The following ATP8B4 variants were observed in gnomAD, a reference collection of about 807,000 sequenced individuals.
ATP8B4 encodes ATPase phospholipid transporting 8B4 (putative).
ATP8B4 carries 133 observed loss-of-function variants against 145.6 expected under a neutral mutation model. The ratio of observed to expected loss-of-function variants is 0.91; its 90% CI spans 0.79 to 1.05. The LOEUF (loss-of-function observed/expected upper bound fraction) is 1.05, where lower values mean the gene tolerates loss of function less well. Ranked by LOEUF, ATP8B4 falls within the 50% of genes least tolerant of loss-of-function variation. ATP8B4 has a pLI of 0.00. For synonymous variants in ATP8B4, 507 were observed against 492.9 expected, an observed-to-expected ratio of 1.03 and a Z score of -0.38; for missense variants, 1,458 against 1,425.2, an observed-to-expected ratio of 1.02 and a Z score of -0.37.
At chr15:50,075,941 C>T (rs906877233) in intron 2 of ATP8B4, among the ~76,000 whole-genome samples, 5 of 152,102 alleles carry the variant, frequency 3.3e-5, no homozygotes, top group South Asian at 2.1e-4. Flanking sequence ...ATGGTAGGAG[C>T]GAGGGCTCTT....
intron 20 of ATP8B4, among the ~76,000 whole-genome samples, chr15:49,910,923 A>C (rs144722153): frequency 4.2e-4 from 64 of 152,294 alleles, no homozygotes; most frequent in Middle Eastern, 6.8e-3. Context: ...ACCTGGAAGC[A>C]AAAGGACAAT....
At chr15:49,923,604 C>A (rs2040454857) in intron 16 of ATP8B4, 110 bp from the exon 17 acceptor site, 3 of 680,726 alleles carry the variant, frequency 4.4e-6, no homozygotes, top group Non-Finnish European at 4.9e-6. Flanking sequence ...AATGTTTTAG[C>A]CAGTAGTAAG....
At chr15:49,872,199 G>A (rs906179171) in intron 25 of ATP8B4, among the ~76,000 whole-genome samples, 3 of 152,202 alleles carry the variant, frequency 2.0e-5, no homozygotes, top group East Asian at 3.9e-4. Context: ...AAAGAACATC[G>A]ACTTGGGAAA....
At chr15:49,943,527 C>T (rs774106919) in intron 14 of ATP8B4, among the ~76,000 whole-genome samples, 1 of 152,158 alleles carries the variant, frequency 6.6e-6, no homozygotes, top group Non-Finnish European at 1.5e-5. Flanking sequence ...AGTAGATTTT[C>T]CAGCAGAAAC....
chr15:50,096,633 G>C (rs1263849104), intron 2 of ATP8B4, among the ~76,000 whole-genome samples: 1 of 152,104 alleles, frequency 6.6e-6, no homozygotes, highest in East Asian at 1.9e-4. Context: ...CTGCCTCCCT[G>C]TCACTCCCAA....
intron 3 of ATP8B4, among the ~76,000 whole-genome samples, chr15:50,054,783 C>CAAAA (rs55783703): frequency 2.0e-4 from 16 of 81,872 alleles, no homozygotes; most frequent in East Asian, 4.2e-4. Flanking sequence ...GACTCCGCCT[C>CAAAA]AAAAAAAAAA....
intron 8 of ATP8B4, among the ~76,000 whole-genome samples, chr15:49,997,562 C>T (rs189371447): frequency 6.6e-6 from 1 of 152,192 alleles, no homozygotes; most frequent in East Asian, 1.9e-4. Flanking sequence ...ATACCCTAGT[C>T]ACCCAAGATA....
rs796159214 is a variant in ATP8B4 at position 50,086,026 on chromosome 15, T to A, written c.29-11841A>T. On this transcript the variant is annotated intron_variant, in intron 2 of 27. Coordinates refer to ENST00000284509, the MANE Select transcript of ATP8B4 (RefSeq NM_024837.4). ...ATATATAATATATATAGATCTATAT[T>A]TATTATATATAATATAATATATAGA... Among the ~76,000 whole-genome samples, 876 of 91,296 alleles carry A rather than the reference T, an allele frequency of 9.6e-3. 46 individuals carry two copies. Among genetic ancestry groups the A allele is most frequent in the Middle Eastern group, 0.056 (4 of 72 alleles). The allele number at this position is 91,296 out of a possible 152,430, so 59.9% of individuals were successfully genotyped here.
In ATP8B4 at chr15:50,023,354, G is replaced by A. The variant is rs374832402; in HGVS notation, c.363-12437C>T. Among the ~76,000 whole-genome samples, 4 of 152,140 alleles carry A rather than the reference G, an allele frequency of 2.6e-5. No individual in the cohort carries two copies. The East Asian group carries it at 5.8e-4, about 22-fold the overall frequency. ...ATCGTGACCATAATTAGGTACATTT[G>A]GGTAAAACTTTTATTAGTTTGACAT... On this transcript the variant is annotated intron_variant, in intron 6 of 27. Transcript: ENST00000284509.
At chr15:50,112,236 A>C (rs72734896) in intron 1 of ATP8B4, among the ~76,000 whole-genome samples, 12,725 of 152,204 alleles carry the variant, frequency 0.084, 653 homozygotes, top group Middle Eastern at 0.15. Flanking sequence ...GGAACAGTGC[A>C]GGCCAGGAAA....
chr15:50,030,598 G>A lies in ATP8B4; in HGVS notation c.362+8170C>T, dbSNP rs192812000. ...ATGGGATTTCATGTTGCTGGCTAAGGAGTGTATGAAATAAACCCCCTCAAT... is the reference window on the plus strand; with the variant it reads ...ATGGGATTTCATGTTGCTGGCTAAGAAGTGTATGAAATAAACCCCCTCAAT... On this transcript the variant is annotated intron_variant, in intron 6 of 27. Coordinates refer to ENST00000284509, the MANE Select transcript of ATP8B4 (RefSeq NM_024837.4). Among the ~76,000 whole-genome samples the A allele has an allele frequency of 3.3e-5, 5 of 152,296 alleles. No homozygotes were observed. In the East Asian group the frequency reaches 9.6e-4, roughly 29 times the overall value.
At chr15:50,018,934 A>C (rs764300322) in intron 6 of ATP8B4, 1 of 1,263,310 alleles carries the variant, frequency 7.9e-7, no homozygotes, top group Admixed American at 2.3e-5. Context: ...CAATTACCAG[A>C]GTACTTCCTG....
chr15:50,060,375 T>A lies in ATP8B4; in HGVS notation c.88-12911A>T, dbSNP rs544164967. Among the ~76,000 whole-genome samples the A allele has an allele frequency of 1.8e-3, 278 of 152,232 alleles. 1 individual carries two copies. The highest frequency in any genetic ancestry group is 6.5e-3 in the African/African-American group (268 of 41,534). On this transcript the variant is annotated intron_variant, in intron 3 of 27. Transcript: ENST00000284509. ...CATATTCACCACAACGAAACAACAA[T>A]CCAATTAAATAATACTTGAGTGAGT...
At chr15:50,056,730 C>T (rs561373204) in intron 3 of ATP8B4, among the ~76,000 whole-genome samples, 68 of 151,312 alleles carry the variant, frequency 4.5e-4, no homozygotes, top group African/African-American at 1.6e-3. Flanking sequence ...CACACACACA[C>T]ACACACACCT....
intron 14 of ATP8B4, among the ~76,000 whole-genome samples, chr15:49,961,050 G>A (rs1032572593): frequency 1.4e-4 from 21 of 151,952 alleles, no homozygotes; most frequent in African/African-American, 3.9e-4. Context: ...GGAGAATGGC[G>A]TGAACCCAGG....
intron 3 of ATP8B4, 40 bp downstream of exon 3, chr15:50,074,087 A>G (rs2054020878): frequency 6.4e-7 from 1 of 1,568,922 alleles, no homozygotes; most frequent in African/African-American, 1.4e-5. Context: ...TTTAGGTAAG[A>G]CCTATCCTAG....
chr15:50,023,498 C>T (rs1057268690), intron 6 of ATP8B4, among the ~76,000 whole-genome samples: 2 of 152,144 alleles, frequency 1.3e-5, no homozygotes, highest in African/African-American at 4.8e-5. Flanking sequence ...TTTTAGGCAT[C>T]TATTACTCTA....
At position 50,155,485 on chromosome 15, in the gene ATP8B4, C is replaced by CATTTTT. The variant is rs1415678809; in HGVS notation, c.-43+26770_-43+26775dup. ...AAATGTGTGTTTACAATCTTGAAGT[C>CATTTTT]ATTTTTATTTTTATTTTAACAATTT... On this transcript the variant is annotated intron_variant, in intron 1 of 3. Coordinates refer to the ATP8B4 transcript ENST00000558829. Among the ~76,000 whole-genome samples, 19 of 152,056 alleles carry CATTTTT rather than the reference C, an allele frequency of 1.2e-4. 1 individual carries two copies. Among genetic ancestry groups the CATTTTT allele is most frequent in the African/African-American group, 4.1e-4 (17 of 41,426 alleles).
chr15:49,910,817 C>A (rs1296539114), intron 20 of ATP8B4, among the ~76,000 whole-genome samples: 1 of 151,846 alleles, frequency 6.6e-6, no homozygotes, highest in African/African-American at 2.4e-5. Context: ...ATAAAATTAC[C>A]CTCTTTGGGG....
Sources: gnomAD v4.1 joint callset for allele counts (sites outside exome capture counted in the v4.1 genomes callset) on GRCh38, gnomAD v4.1.1 for gene constraint, MANE v1.5 for transcripts, NCBI Gene and HGNC (gene_info 2026-07-23, HGNC 2026-07-21) for gene names.